ATAD2: variants seen among roughly 807,000 people sequenced by gnomAD.
ATAD2 encodes ATPase family AAA domain containing 2.
ATAD2 carries 62 observed loss-of-function variants against 168.9 expected under a neutral mutation model. The observed-to-expected ratio is 0.37, with a 90% CI of 0.30 to 0.45. ATAD2 has a LOEUF of 0.45. Ranked by LOEUF, ATAD2 falls within the 20% of genes least tolerant of loss-of-function variation. The pLI, the probability that ATAD2 is intolerant of heterozygous loss-of-function variation, is 1.00. For missense variants in ATAD2, 1,419 were observed against 1,667.8 expected (o/e 0.85, Z 2.60); for synonymous variants, 613 against 571.6 (o/e 1.07, Z -1.03).
Position 123,337,829 on chromosome 8 carries a change from T to C in ATAD2, c.2855-8A>G, listed in dbSNP as rs199714845. On this transcript the variant is annotated splice_region_variant and splice_polypyrimidine_tract_variant and intron_variant, in intron 20 of 27. Transcript: ENST00000287394. ...CCTCCAAAGCCTGCAAAACTTCACA[T>C]GAATGGAAGAATTTAGTTACTGCTC... 8.1e-4 allele frequency: 1,271 copies of C among 1,576,958 alleles called. 9 individuals are homozygous for C. The Middle Eastern group carries it at 0.016, about 20-fold the overall frequency.
intron 1 of ATAD2, among the ~76,000 whole-genome samples, chr8:123,389,756 T>C (rs1484252513): frequency 6.6e-6 from 1 of 150,984 alleles, no homozygotes; most frequent in Non-Finnish European, 1.5e-5. Context: ...TTATTGGACA[T>C]TTTTCTCCAT....
At chr8:123,400,438 G>C, upstream of ATAD2, 1 of 356,758 alleles carries the variant, frequency 2.8e-6, no homozygotes, top group Non-Finnish European at 5.5e-6. The surrounding 1 kb of genome is among the most constrained non-coding windows in gnomAD (Gnocchi z 4.5). Context: ...GGGAGGCTGA[G>C]GTGGGAGGAT....
At chr8:123,348,365 A>T (rs1563843189) in intron 14 of ATAD2, 92 bp from the exon 15 acceptor site, 1 of 1,078,222 alleles carries the variant, frequency 9.3e-7, no homozygotes, top group Admixed American at 3.0e-5. Context: ...TTGATTATCT[A>T]AAATTTTAAA....
At chr8:123,380,454 C>G in intron 2 of ATAD2, 75 bp downstream of exon 2, 1 of 1,500,174 alleles carries the variant, frequency 6.7e-7, no homozygotes, top group South Asian at 1.2e-5. Context: ...CAAAAATACA[C>G]TTCAAAAATT....
rs1456536907 is a variant in ATAD2, at chr8:123,370,921, T to G, written c.709A>C (p.Asn237His). 6.2e-7 allele frequency: 1 copy of G among 1,606,710 alleles called. No homozygotes were observed. Among genetic ancestry groups the G allele is most frequent in the Non-Finnish European group, 8.5e-7 (1 of 1,176,042 alleles). ...GACTAACCCACACTGCCTTCTTGAT[T>G]ATCAGTTGTTTCTTCATCAGTTCTT... The part of the protein sequence containing the change: ...IQRTDEETTD[N>H]QEGSVESSEE... The change falls in exon 6 of 28, where the codon AAT (asparagine) becomes CAT (histidine). Residue 237 changes from asparagine to histidine, a missense_variant. Physicochemically the swap from Asn to His is moderately conservative, Grantham distance 68. Around this residue, in one of 5 missense-constraint regions of ATAD2, gnomAD observed 419 missense variants for 423.5 expected, o/e 0.99. Coordinates refer to ENST00000287394, the MANE Select transcript of ATAD2 (RefSeq NM_014109.4).
chr8:123,349,135 TA>T, intron 14 of ATAD2, 149 bp downstream of exon 14: 1 of 686,344 alleles, frequency 1.5e-6, no homozygotes, highest in Non-Finnish European at 2.3e-6. Context: ...AAGAAAAGAA[TA>T]AAAATTTGTC....
intron 1 of ATAD2, among the ~76,000 whole-genome samples, chr8:123,383,288 T>C (rs1829544285): frequency 6.6e-6 from 1 of 152,038 alleles, no homozygotes; most frequent in African/African-American, 2.4e-5. Context: ...GGCACATATA[T>C]ACCTATGTAA....
intron 13 of ATAD2, 28 bp from the exon 14 acceptor site, chr8:123,349,472 AT>A: frequency 6.3e-7 from 1 of 1,582,140 alleles, no homozygotes; most frequent in Non-Finnish European, 8.7e-7. Context: ...GAGAGAAGAG[AT>A]TAATACTATG....
rs397891535 is a variant in ATAD2, at chr8:123,349,874, TAAAA to T, written c.1647-434_1647-431del. The stretch of plus-strand genomic sequence containing the variant: ...CAACATAGGGAAACCCCATCTCTAT[TAAAA>T]AAAAAAAAAAAAATTAGCCAGCATG... On this transcript the variant is annotated intron_variant, in intron 13 of 27. Transcript: ENST00000287394. Among the ~76,000 whole-genome samples the T allele has an allele frequency of 5.8e-5, 8 of 137,194 alleles. No individual in the cohort carries two copies. In the South Asian group the frequency reaches 1.4e-3, roughly 24 times the overall value. 90.0% of individuals were successfully genotyped at this position (137,194 alleles called of 152,430 possible). A position where few individuals can be genotyped will look rare whatever the true frequency, so the allele number is the denominator to read the frequency against.
intron 11 of ATAD2, among the ~76,000 whole-genome samples, chr8:123,358,723 C>CTTTTTT (rs772822406): frequency 1.8e-4 from 14 of 76,846 alleles, no homozygotes; most frequent in Non-Finnish European, 2.2e-4. Flanking sequence ...TGGTACATTA[C>CTTTTTT]TTTTTTTTTT....
chr8:123,328,245 A>G lies in ATAD2; in HGVS notation c.3813T>C (p.Asn1271=). Residue 1271 remains asparagine (N), a synonymous_variant, in exon 25 of 28, where the codon AAT becomes AAC. Transcript: ENST00000287394. Reference sequence around the variant, plus strand: ...TTATCTGAGAGCTAGAAGCATCTCCATTACAAGCAATCTTGTCTCTCAATT... The same window carrying G: ...TTATCTGAGAGCTAGAAGCATCTCCGTTACAAGCAATCTTGTCTCTCAATT... ...CTELRDKIAC[N]GDASSSQIIH... 6.6e-7 allele frequency: 1 copy of G among 1,504,716 alleles called. No individual in the cohort carries two copies. Among genetic ancestry groups the G allele is most frequent in the Non-Finnish European group, 8.9e-7 (1 of 1,129,802 alleles). 93.2% of individuals were successfully genotyped at this position (1,504,716 alleles called of 1,614,324 possible).
In ATAD2 at chr8:123,336,398, T is replaced by C; in HGVS notation, c.3186A>G (p.Glu1062=). ...CTCCAGGATCTCTATCTGGATTGTA[T>C]TCTAAGGCATTACTACAGATTAGAT... ...DIDLICSNAL[E]YNPDRDPGDR... Residue 1062 remains glutamate, a synonymous_variant, in exon 22 of 28, where the codon GAA becomes GAG. Transcript: ENST00000287394. The C allele has an allele frequency of 6.3e-7, 1 of 1,583,414 alleles. No homozygotes were observed. The highest frequency in any genetic ancestry group is 2.0e-5 in the Admixed American group (1 of 51,254).
intron 1 of ATAD2, among the ~76,000 whole-genome samples, chr8:123,403,242 G>C (rs1468252162): frequency 6.6e-6 from 1 of 151,932 alleles, no homozygotes; most frequent in Non-Finnish European, 1.5e-5. Flanking sequence ...GGGACTACAG[G>C]GGTACACCTC....
chr8:123,403,388 C>T (rs2130024229), intron 1 of ATAD2, among the ~76,000 whole-genome samples: 1 of 151,332 alleles, frequency 6.6e-6, no homozygotes, highest in South Asian at 2.1e-4. Flanking sequence ...GCGTGAGCCA[C>T]TGCGCCCAGC....
rs776568752 is a variant in ATAD2 at position 123,369,939 on chromosome 8, A to ATCATCG, written c.807_812dup (p.Asp276_Asp277dup). The stretch of plus-strand genomic sequence containing the variant: ...CATCTTCATCATCATCATCATCATC[A>ATCATCG]TCATCGTCATCATCATCATCATCTT... On this transcript the variant is annotated inframe_insertion, in exon 7 of 28. Transcript: ENST00000287394. 8.3e-6 allele frequency: 13 copies of ATCATCG among 1,568,788 alleles called. No individual in the cohort carries two copies. The African/African-American group carries it at 1.1e-4, about 13-fold the overall frequency.
intron 2 of ATAD2, among the ~76,000 whole-genome samples, chr8:123,379,331 T>TA (rs1346779970): frequency 9.2e-5 from 14 of 152,158 alleles, no homozygotes; most frequent in Admixed American, 2.6e-4. Flanking sequence ...TCAGAATTGA[T>TA]AAAAAACTTT....
intron 1 of ATAD2, among the ~76,000 whole-genome samples, chr8:123,385,728 G>A (rs1377367642): frequency 6.6e-6 from 1 of 151,392 alleles, no homozygotes; most frequent in African/African-American, 2.4e-5. Flanking sequence ...TACAGAATAC[G>A]AAAAAAATCT....
chr8:123,394,596 G>C (rs1812743723), intron 1 of ATAD2, among the ~76,000 whole-genome samples: 2 of 151,918 alleles, frequency 1.3e-5, no homozygotes, highest in African/African-American at 4.8e-5. Context: ...GATCACACCA[G>C]TGCACTCCAG....
In ATAD2 at chr8:123,326,724, T is replaced by G. The variant is rs546780655; in HGVS notation, c.3869-698A>C. On this transcript the variant is annotated intron_variant, in intron 25 of 27. Coordinates refer to ENST00000287394, the MANE Select transcript of ATAD2 (RefSeq NM_014109.4). ...CCATATCCATTTTATCTACTGTCAA[T>G]GTAGTTTTCCCAGCAGGGTTGAGTA... is the stretch of plus-strand genomic sequence containing the variant. 5.3e-5 allele frequency among the ~76,000 whole-genome samples: 8 copies of G among 152,222 alleles called. No individual in the cohort carries two copies. In the South Asian group the frequency reaches 1.7e-3, roughly 32 times the overall value.
Sources: gnomAD v4.1 joint callset for allele counts (sites outside exome capture counted in the v4.1 genomes callset) on GRCh38, gnomAD v4.1.1 for gene constraint, gnomAD v4.1.1 regional missense constraint, Gnocchi (gnomAD v3.1) non-coding constraint, MANE v1.5 for transcripts, NCBI Gene and HGNC (gene_info 2026-07-23, HGNC 2026-07-21) for gene names.